Variants in KCNB2 observed in about 807,000 individuals in gnomAD.
KCNB2 encodes delayed rectifier potassium channel protein.
Under a neutral mutation model 61.5 loss-of-function variants are expected in KCNB2, and 15 were observed. The ratio of observed to expected loss-of-function variants is 0.24; its 90% confidence interval spans 0.16 to 0.38. The LOEUF is 0.38. Among genes scored for constraint, KCNB2 ranks in the 10% least tolerant of loss-of-function variants. KCNB2 has a pLI of 1.00. For synonymous variants in KCNB2, 457 were observed against 446.0 expected (o/e 1.02, Z -0.31); for missense variants, 828 against 1,125.2 (o/e 0.74, Z 3.78).
intron 2 of KCNB2, among the ~76,000 whole-genome samples, chr8:72,733,562 T>C (rs1223180549): frequency 1.3e-5 from 2 of 152,218 alleles, no homozygotes; most frequent in Non-Finnish European, 2.9e-5. Context: ...GCAGGGATTA[T>C]AATGACTGTA....
chr8:72,692,614 T>G (rs1238133986), intron 2 of KCNB2, among the ~76,000 whole-genome samples: 1 of 152,146 alleles, frequency 6.6e-6, no homozygotes, highest in Non-Finnish European at 1.5e-5. Context: ...CCCACCAAAC[T>G]ACTCCCCACA....
rs559561070 is a variant in KCNB2, at chr8:72,664,964, AAAG to A, written c.579+96653_579+96655del. 3.3e-3 allele frequency among the ~76,000 whole-genome samples: 496 copies of A among 152,308 alleles called. 1 individual carries two copies. Among genetic ancestry groups the A allele is most frequent in the Non-Finnish European group, 6.0e-3 (406 of 68,026 alleles). Reference sequence around the variant, plus strand: ...GCCTGCAGTATAATATAGACAGAAAAAAGAGCCAGAGAGACTGCAGTGCTGAGA... The same window carrying A: ...GCCTGCAGTATAATATAGACAGAAAAAGCCAGAGAGACTGCAGTGCTGAGA... On this transcript the variant is annotated intron_variant, in intron 2 of 2. Coordinates refer to ENST00000523207, the MANE Select transcript of KCNB2 (RefSeq NM_004770.3).
intron 2 of KCNB2, among the ~76,000 whole-genome samples, chr8:72,712,139 T>C (rs1413516094): frequency 6.6e-6 from 1 of 152,224 alleles, no homozygotes; most frequent in Non-Finnish European, 1.5e-5. Flanking sequence ...AAGCACATAA[T>C]TGGTAATAGA....
chr8:72,607,636 T>A (rs560868475), intron 2 of KCNB2, among the ~76,000 whole-genome samples: 1 of 152,204 alleles, frequency 6.6e-6, no homozygotes. Context: ...TATTTTATGA[T>A]CTGTTTAGAA....
In KCNB2 at chr8:72,713,629, G is replaced by A. The variant is rs191689025; in HGVS notation, c.579+145316G>A. On this transcript the variant is annotated intron_variant, in intron 2 of 2. Coordinates refer to ENST00000523207, the MANE Select transcript of KCNB2 (RefSeq NM_004770.3). ...CTGTTAGAAGGAAAACTAACAAACA[G>A]AAAGGACATCCACACCAAAAACCCC... Among the ~76,000 whole-genome samples the A allele has an allele frequency of 1.9e-3, 285 of 152,288 alleles. 1 individual carries two copies. The highest frequency in any genetic ancestry group is 8.5e-3 in the Admixed American group (130 of 15,300).
chr8:72,568,417 G>A, intron 2 of KCNB2, 104 bp downstream of exon 2: 1 of 948,692 alleles, frequency 1.1e-6, no homozygotes, highest in Non-Finnish European at 1.6e-6. Context: ...ACAGAACAAA[G>A]TGTGGCTACA....
chr8:72,870,507 A>G (rs1015451461), intron 2 of KCNB2, among the ~76,000 whole-genome samples: 2 of 152,168 alleles, frequency 1.3e-5, no homozygotes, highest in Non-Finnish European at 2.9e-5. Flanking sequence ...CAGAACTGGA[A>G]CATTCCTCAT....
chr8:72,618,969 T>C, intron 2 of KCNB2: 1 of 339,842 alleles, frequency 2.9e-6, no homozygotes, highest in Non-Finnish European at 5.7e-6. Context: ...CTCTGCAGCT[T>C]TGATTTCAAA....
chr8:72,819,491 C>G (rs1809456629), intron 2 of KCNB2, among the ~76,000 whole-genome samples: 1 of 152,108 alleles, frequency 6.6e-6, no homozygotes, highest in Non-Finnish European at 1.5e-5. Context: ...AATAATCCTT[C>G]TGGGACTACA....
intron 2 of KCNB2, among the ~76,000 whole-genome samples, chr8:72,724,190 G>A (rs750539653): frequency 4.6e-5 from 7 of 152,078 alleles, no homozygotes; most frequent in Admixed American, 1.3e-4. Flanking sequence ...AGGATATCAC[G>A]TGTCACTGTC....
intron 2 of KCNB2, among the ~76,000 whole-genome samples, chr8:72,711,242 G>A (rs1472921092): frequency 6.6e-6 from 1 of 152,230 alleles, no homozygotes; most frequent in Non-Finnish European, 1.5e-5. Context: ...CAGAGCATCT[G>A]CATAGCCCAA....
At chr8:72,709,082 C>T (rs1317909263) in intron 2 of KCNB2, among the ~76,000 whole-genome samples, 3 of 152,182 alleles carry the variant, frequency 2.0e-5, no homozygotes, top group African/African-American at 7.2e-5. Context: ...TAATACTGCT[C>T]TAAGTACTAA....
intron 2 of KCNB2, among the ~76,000 whole-genome samples, chr8:72,754,239 G>A (rs1380445902): frequency 1.3e-5 from 2 of 152,166 alleles, no homozygotes; most frequent in African/African-American, 2.4e-5. Context: ...TTTTCCTATG[G>A]AATTTCGCAG....
chr8:72,703,827 G>T (rs982277115), intron 2 of KCNB2, among the ~76,000 whole-genome samples: 10 of 152,278 alleles, frequency 6.6e-5, no homozygotes, highest in Middle Eastern at 3.4e-3. Context: ...TCATGAAAAC[G>T]ATGTGTGATT....
intron 2 of KCNB2, among the ~76,000 whole-genome samples, chr8:72,664,849 T>C (rs1368393615): frequency 6.6e-6 from 1 of 152,168 alleles, no homozygotes; most frequent in East Asian, 1.9e-4. Context: ...ATTGTAAGTT[T>C]AAGTAAGGTT....
chr8:72,704,500 G>GGTGTGTGTGTGTGTGT (rs10524175), intron 2 of KCNB2, among the ~76,000 whole-genome samples: 6 of 147,652 alleles, frequency 4.1e-5, no homozygotes, highest in Admixed American at 2.7e-4. Flanking sequence ...AGAGAAAGCT[G>GGTGTGTGTGTGTGTGT]GTGTGTGTGT....
intron 2 of KCNB2, among the ~76,000 whole-genome samples, chr8:72,670,320 T>C (rs1252028047): frequency 6.6e-6 from 1 of 152,222 alleles, no homozygotes; most frequent in Non-Finnish European, 1.5e-5. Flanking sequence ...CTAATTACTC[T>C]CTTTGCTAGA....
At chr8:72,863,878 C>T (rs1471636885) in intron 2 of KCNB2, among the ~76,000 whole-genome samples, 1 of 152,244 alleles carries the variant, frequency 6.6e-6, no homozygotes, top group East Asian at 1.9e-4. Flanking sequence ...GTGGCATGTG[C>T]CTATGGTCCC....
chr8:72,683,558 T>C (rs577753460), intron 2 of KCNB2, among the ~76,000 whole-genome samples: 2 of 152,286 alleles, frequency 1.3e-5, no homozygotes, highest in East Asian at 3.9e-4. Context: ...CTGAAGTGTA[T>C]CCTTCTACTG....
Sources: allele counts gnomAD v4.1 joint callset (sites outside exome capture counted in the v4.1 genomes callset), GRCh38; gene constraint gnomAD v4.1.1; transcripts MANE v1.5; gene names NCBI Gene and HGNC (gene_info 2026-07-23, HGNC 2026-07-21).